DIPK1C: variants seen among roughly 807,000 people sequenced by gnomAD.
The protein encoded by DIPK1C is familial non-conventional Alzheimer's dementia.
Under a neutral mutation model 28.0 loss-of-function variants are expected in DIPK1C, and 33 were observed. That is an observed-to-expected ratio of 1.18 (90% CI 0.89 to 1.58). The LOEUF (loss-of-function observed/expected upper bound fraction) is 1.58. Ranked by LOEUF, DIPK1C falls within the 40% of genes most tolerant of loss-of-function variation. The pLI, the probability that DIPK1C is intolerant of heterozygous loss-of-function variation, is 0.00. For missense variants in DIPK1C, 569 were observed against 568.5 expected, an observed-to-expected ratio of 1.00 and a Z score of -0.01; for synonymous variants, 255 against 248.8, an observed-to-expected ratio of 1.02 and a Z score of -0.23.
At chr18:74,442,366 T>A (rs1986150231) in intron 2 of DIPK1C, among the ~76,000 whole-genome samples, 1 of 152,164 alleles carries the variant, frequency 6.6e-6, no homozygotes, top group Non-Finnish European at 1.5e-5. Context: ...TCTCACTCTG[T>A]CACCCAGGCT....
At chr18:74,455,904 T>C (rs1426063600) in intron 1 of DIPK1C, among the ~76,000 whole-genome samples, 1 of 152,204 alleles carries the variant, frequency 6.6e-6, no homozygotes. Context: ...TTGTCTTAGC[T>C]AGTATACCTG....
rs1402405472 is a variant in DIPK1C, at chr18:74,435,886, C to CATACACATGCCCACACTTAT, written c.*595_*614dup. 1 of 153,010 alleles carries CATACACATGCCCACACTTAT rather than the reference C, an allele frequency of 6.5e-6. No homozygotes were observed. The highest frequency in any genetic ancestry group is 2.4e-5 in the African/African-American group (1 of 41,436). The allele number at this position is 153,010 out of a possible 1,614,324, so 9.5% of individuals were successfully genotyped here. ...TCACCTGCCCACACTCACACAATCA[C>CATACACATGCCCACACTTAT]ATACACATGCCCACACTTATATACA... On this transcript the variant is annotated 3_prime_UTR_variant, in exon 4 of 4. Transcript: ENST00000343998.
chr18:74,436,418 A>C lies in DIPK1C; in HGVS notation c.*83T>G. The stretch of plus-strand genomic sequence containing the variant: ...CGGCACCCCAGAGAGCACAGGGGAA[A>C]TGGCTCATCTTTAAAACAATGGCAG... On this transcript the variant is annotated 3_prime_UTR_variant, in exon 4 of 4. Coordinates refer to ENST00000343998, the MANE Select transcript of DIPK1C (RefSeq NM_001044369.3). The C allele has an allele frequency of 7.4e-7, 1 of 1,344,738 alleles. No homozygotes were observed. Among genetic ancestry groups the C allele is most frequent in the South Asian group, 1.4e-5 (1 of 69,594 alleles). 83.3% of individuals were successfully genotyped at this position (1,344,738 alleles called of 1,614,324 possible). A position where few individuals can be genotyped will look rare whatever the true frequency, so the allele number is the denominator to read the frequency against.
At chr18:74,442,312 C>T (rs878946876) in intron 2 of DIPK1C, among the ~76,000 whole-genome samples, 196 bp from the exon 3 acceptor site, 3 of 151,712 alleles carry the variant, frequency 2.0e-5, no homozygotes, top group South Asian at 4.2e-4. Flanking sequence ...TGTCTGCATG[C>T]ATTTTCTTTT....
At chr18:74,442,586 C>T (rs879581115) in intron 2 of DIPK1C, among the ~76,000 whole-genome samples, 14 of 152,224 alleles carry the variant, frequency 9.2e-5, no homozygotes, top group Non-Finnish European at 1.8e-4. Flanking sequence ...GCCTCGGCCT[C>T]CCAAAGTGCT....
chr18:74,451,294 G>A (rs755756099), intron 1 of DIPK1C, among the ~76,000 whole-genome samples: 3 of 152,138 alleles, frequency 2.0e-5, no homozygotes, highest in Admixed American at 6.5e-5. Flanking sequence ...TGCGCTATTC[G>A]AAATGCCGTT....
intron 3 of DIPK1C, among the ~76,000 whole-genome samples, chr18:74,437,674 A>G (rs1337612174): frequency 6.6e-6 from 1 of 152,214 alleles, no homozygotes. Context: ...TTTTTTTAAA[A>G]TAGAGAATAC....
Position 74,457,280 on chromosome 18 carries a change from G to C in DIPK1C, c.-21C>G, listed in dbSNP as rs929992740. 1.1e-5 allele frequency: 11 copies of C among 984,228 alleles called. No individual in the cohort carries two copies. Among genetic ancestry groups the C allele is most frequent in the Non-Finnish European group, 1.3e-5 (11 of 829,990 alleles). The allele number at this position is 984,228 out of a possible 1,614,324, so 61.0% of individuals were successfully genotyped here. On this transcript the variant is annotated 5_prime_UTR_variant, in exon 1 of 4. Transcript: ENST00000343998. ...GCCATGGCCAGCCCTGCCCGCGCCC[G>C]GGCCCCACCGCCGCCCGCGCCCCGA...
At chr18:74,436,791 G>T (rs1419160480) in intron 3 of DIPK1C, 72 bp from the exon 4 acceptor site, 1 of 1,408,704 alleles carries the variant, frequency 7.1e-7, no homozygotes. Flanking sequence ...GCCCAGGATT[G>T]GTTCTGAAAC....
rs1985963488 is a variant in DIPK1C, at chr18:74,435,329, C to T, written c.*1172G>A. 2 of 152,312 alleles carry T rather than the reference C, an allele frequency of 1.3e-5. No individual in the cohort carries two copies. The highest frequency in any genetic ancestry group is 4.8e-5 in the African/African-American group (2 of 41,560). The allele number at this position is 152,312 out of a possible 1,614,324, so 9.4% of individuals were successfully genotyped here. A position where few individuals can be genotyped will look rare whatever the true frequency, so the allele number is the denominator to read the frequency against. On this transcript the variant is annotated 3_prime_UTR_variant, in exon 4 of 4. Coordinates refer to ENST00000343998, the MANE Select transcript of DIPK1C (RefSeq NM_001044369.3). ...GTGGGTCACAGTTATGGGTAGAAAC[C>T]AGGTCCCTTTAAGTGAAAGCTCACT...
intron 3 of DIPK1C, among the ~76,000 whole-genome samples, chr18:74,439,062 A>G (rs1378054109): frequency 2.7e-5 from 4 of 150,924 alleles, no homozygotes; most frequent in Admixed American, 6.6e-5. Flanking sequence ...TAACTTTTAA[A>G]TTTGCTCCTT....
chr18:74,441,895 G>A lies in DIPK1C; in HGVS notation c.1041+57C>T, dbSNP rs186920880. 3.5e-4 allele frequency: 545 copies of A among 1,560,842 alleles called. No individual in the cohort carries two copies. The African/African-American group carries it at 6.1e-3, about 17-fold the overall frequency. On this transcript the variant is annotated intron_variant, in intron 3 of 3. Coordinates refer to ENST00000343998, the MANE Select transcript of DIPK1C (RefSeq NM_001044369.3). ...CACTGAGGGTATCTGAAGAGCTAGC[G>A]GGCAGAAACAGCCAAAGAGCACCCT...
At chr18:74,448,945 C>T (rs1986335365) in intron 1 of DIPK1C, among the ~76,000 whole-genome samples, 1 of 152,094 alleles carries the variant, frequency 6.6e-6, no homozygotes, top group Non-Finnish European at 1.5e-5. Context: ...CTGGTCTCTA[C>T]TAAAAATACA....
chr18:74,452,000 A>G (rs901464191), intron 1 of DIPK1C, among the ~76,000 whole-genome samples: 1 of 152,360 alleles, frequency 6.6e-6, no homozygotes, highest in Admixed American at 6.5e-5. Context: ...ACGTCAGCCT[A>G]TGGCAGGGCA....
At chr18:74,438,184 G>T (rs907285574) in intron 3 of DIPK1C, among the ~76,000 whole-genome samples, 1 of 152,142 alleles carries the variant, frequency 6.6e-6, no homozygotes. Context: ...GAGCCACCAC[G>T]CCCAGCCATC....
Position 74,443,301 on chromosome 18 carries a change from A to G in DIPK1C, c.877-1185T>C, listed in dbSNP as rs115135468. ...AGAAAACCTGGAATCTGCCCAAATC[A>G]AGCCGTTTATAGCTTCGAGGTATTA... On this transcript the variant is annotated intron_variant, in intron 2 of 3. Coordinates refer to ENST00000343998, the MANE Select transcript of DIPK1C (RefSeq NM_001044369.3). 1.9e-3 allele frequency among the ~76,000 whole-genome samples: 290 copies of G among 152,288 alleles called. 2 individuals are homozygous for G. Among genetic ancestry groups the G allele is most frequent in the African/African-American group, 6.3e-3 (263 of 41,560 alleles).
In DIPK1C at chr18:74,442,053, T is replaced by G; in HGVS notation, c.940A>C (p.Asn314His). The change falls in exon 3 of 4, where the codon AAC becomes CAC. Residue 314 changes from asparagine (N) to histidine (H), a missense_variant. Physicochemically the swap from Asn to His is moderately conservative, Grantham distance 68. Transcript: ENST00000343998. ...EPKMREILEQNCTGDEDCNFF... is the reference protein window; with the variant it reads ...EPKMREILEQHCTGDEDCNFF... The stretch of plus-strand genomic sequence containing the variant: ...TTGCAGTCTTCATCTCCTGTGCAGT[T>G]TTGCTCAAGGATTTCCCTCATTTTA... 6.2e-7 allele frequency: 1 copy of G among 1,614,116 alleles called. No homozygotes were observed. The highest frequency in any genetic ancestry group is 8.5e-7 in the Non-Finnish European group (1 of 1,180,008).
upstream of DIPK1C, among the ~76,000 whole-genome samples, chr18:74,457,520 C>T (rs1284862541): frequency 2.0e-5 from 3 of 152,162 alleles, no homozygotes; most frequent in Non-Finnish European, 4.4e-5. Context: ...TCTTTTTGCA[C>T]TTTTTTCCCC....
chr18:74,459,624 C>T (rs547222733), upstream of DIPK1C, among the ~76,000 whole-genome samples: 101 of 152,272 alleles, frequency 6.6e-4, no homozygotes, highest in Middle Eastern at 3.4e-3. Context: ...AGATATTTAG[C>T]ATCAAGATGT....
Sources: allele counts gnomAD v4.1 joint callset (sites outside exome capture counted in the v4.1 genomes callset), GRCh38; gene constraint gnomAD v4.1.1; transcripts MANE v1.5; gene names NCBI Gene and HGNC (gene_info 2026-07-23, HGNC 2026-07-21).